Variants in EIF2AK2 observed in about 807,000 individuals in gnomAD.
The protein encoded by EIF2AK2 is eukaryotic translation initiation factor 2 alpha kinase 2.
A neutral mutation model predicts 70.5 loss-of-function variants in EIF2AK2; 40 were observed. The ratio of observed to expected loss-of-function variants is 0.57; its 90% CI spans 0.44 to 0.74. The LOEUF is 0.74. Among genes scored for constraint, EIF2AK2 ranks in the 30% least tolerant of loss-of-function variants. The pLI is 0.00. For missense variants in EIF2AK2, 555 were observed against 644.3 expected (o/e 0.86, Z 1.50); for synonymous variants, 198 against 220.9 (o/e 0.90, Z 0.92).
intron 14 of EIF2AK2, among the ~76,000 whole-genome samples, chr2:37,111,878 AATAT>A (rs869140054): frequency 0.046 from 3,164 of 68,320 alleles, 165 homozygotes; most frequent in African/African-American, 0.051. Context: ...AAAAAAAAAA[AATAT>A]ATATATATAT....
chr2:37,139,270 G>A (rs1401089630), intron 6 of EIF2AK2, among the ~76,000 whole-genome samples: 7 of 150,136 alleles, frequency 4.7e-5, no homozygotes, highest in Non-Finnish European at 8.9e-5. Flanking sequence ...AGCCGAGATC[G>A]TGCCACTGCA....
rs574672963 is a variant in EIF2AK2 at position 37,123,681 on chromosome 2, G to A, written c.909-1017C>T. On this transcript the variant is annotated intron_variant, in intron 11 of 16. Coordinates refer to ENST00000233057, the MANE Select transcript of EIF2AK2 (RefSeq NM_001135651.3). ...GCAGCAAGGCTAGGTAACCCAGGCA[G>A]TGTGAAGTACCTAATTCAGGATTTT... Among the ~76,000 whole-genome samples, 6 of 152,314 alleles carry A rather than the reference G, an allele frequency of 3.9e-5. No homozygotes were observed. The South Asian group carries it at 1.2e-3, about 32-fold the overall frequency.
chr2:37,148,870 T>C lies in EIF2AK2; in HGVS notation c.-30A>G, dbSNP rs1675648381. The stretch of plus-strand genomic sequence containing the variant: ...GACCGCTTGTACCTGGTTGGAAGCT[T>C]TGTCCAAAATGCACGCAGATAATCA... On this transcript the variant is annotated 5_prime_UTR_variant, in exon 2 of 17. Transcript: ENST00000233057. The C allele has an allele frequency of 9.5e-6, 8 of 839,860 alleles. No homozygotes were observed. Among genetic ancestry groups the C allele is most frequent in the South Asian group, 5.3e-5 (4 of 74,910 alleles). 52.0% of individuals were successfully genotyped at this position (839,860 alleles called of 1,614,324 possible).
At chr2:37,124,968 T>TCCA (rs1383333924) in intron 11 of EIF2AK2, among the ~76,000 whole-genome samples, 3 of 152,072 alleles carry the variant, frequency 2.0e-5, no homozygotes, top group African/African-American at 7.2e-5. Flanking sequence ...GCTCAAGTGA[T>TCCA]CCACTCACCT....
intron 1 of EIF2AK2, among the ~76,000 whole-genome samples, chr2:37,153,947 AG>A (rs1398813733): frequency 6.6e-6 from 1 of 152,196 alleles, no homozygotes; most frequent in East Asian, 1.9e-4. Flanking sequence ...GCAATGCACG[AG>A]GGTTCTAATT....
chr2:37,124,348 G>A (rs1239217777), intron 11 of EIF2AK2, among the ~76,000 whole-genome samples: 2 of 151,762 alleles, frequency 1.3e-5, no homozygotes, highest in African/African-American at 4.8e-5. Flanking sequence ...TGCAACCTCC[G>A]CCTCCTGGGT....
chr2:37,124,001 A>T (rs1211572503), intron 11 of EIF2AK2, among the ~76,000 whole-genome samples: 1 of 151,270 alleles, frequency 6.6e-6, no homozygotes, highest in Non-Finnish European at 1.5e-5. Context: ...ACAGGGTCTC[A>T]CTCTGTCACC....
intron 11 of EIF2AK2, among the ~76,000 whole-genome samples, chr2:37,123,140 C>A (rs1674614299): frequency 6.6e-6 from 1 of 151,888 alleles, no homozygotes; most frequent in South Asian, 2.1e-4. Context: ...TGCACTCCAG[C>A]CTGGGCAAAA....
intron 4 of EIF2AK2, 115 bp downstream of exon 4, chr2:37,146,738 G>T: frequency 1.5e-6 from 2 of 1,323,688 alleles, no homozygotes; most frequent in Non-Finnish European, 2.1e-6. Context: ...CCAAACTCTT[G>T]AATGTAAGGG....
Position 37,147,818 on chromosome 2 carries a change from G to T in EIF2AK2, c.-12C>A. 1 of 1,578,430 alleles carries T rather than the reference G, an allele frequency of 6.3e-7. No homozygotes were observed. Among genetic ancestry groups the T allele is most frequent in the Non-Finnish European group, 8.7e-7 (1 of 1,149,028 alleles). On this transcript the variant is annotated 5_prime_UTR_variant, in exon 3 of 17. Transcript: ENST00000233057. ...AGATCACCAGCCATTTCTTCTTCCCGTATCCTACAATGGAAGAGACATTTG... is the reference window on the plus strand; with the variant it reads ...AGATCACCAGCCATTTCTTCTTCCCTTATCCTACAATGGAAGAGACATTTG...
chr2:37,154,459 T>C (rs578016909), intron 1 of EIF2AK2, among the ~76,000 whole-genome samples: 10 of 152,326 alleles, frequency 6.6e-5, no homozygotes, highest in Non-Finnish European at 1.5e-4. Flanking sequence ...AGTCAGTTCT[T>C]AGTCCTTCTC....
chr2:37,153,833 G>A (rs1429955654), intron 1 of EIF2AK2, among the ~76,000 whole-genome samples: 1 of 152,116 alleles, frequency 6.6e-6, no homozygotes, highest in Non-Finnish European at 1.5e-5. Context: ...CTGAATATTT[G>A]TGGTATATAA....
intron 11 of EIF2AK2, among the ~76,000 whole-genome samples, chr2:37,124,399 C>T (rs1473289259): frequency 6.6e-6 from 1 of 152,148 alleles, no homozygotes; most frequent in Non-Finnish European, 1.5e-5. Context: ...GTAGCTGGGA[C>T]TACAGGCGTA....
chr2:37,141,732 A>G, intron 4 of EIF2AK2, 31 bp from the exon 5 acceptor site: 1 of 1,564,584 alleles, frequency 6.4e-7, no homozygotes, highest in Non-Finnish European at 8.6e-7. Context: ...TGTTTAATAT[A>G]AATGACAACA....
chr2:37,156,787 G>A (rs1323135020), intron 1 of EIF2AK2, 121 bp downstream of exon 1: 1 of 153,258 alleles, frequency 6.5e-6, no homozygotes, highest in African/African-American at 2.4e-5. Flanking sequence ...ATCAGCGTCC[G>A]CGTCCTGAGC....
intron 15 of EIF2AK2, among the ~76,000 whole-genome samples, chr2:37,108,795 C>G (rs536459386): frequency 1.5e-4 from 23 of 152,294 alleles, no homozygotes; most frequent in African/African-American, 5.5e-4. Context: ...GTCTCGAACA[C>G]CTGACTTCAA....
At chr2:37,124,033 T>C (rs983872787) in intron 11 of EIF2AK2, among the ~76,000 whole-genome samples, 1 of 151,054 alleles carries the variant, frequency 6.6e-6, no homozygotes, top group Non-Finnish European at 1.5e-5. Flanking sequence ...GCAGTGGCAA[T>C]GTTGGCTCAC....
At chr2:37,109,460 G>A (rs932257771) in intron 14 of EIF2AK2, 165 bp from the exon 15 acceptor site, 10 of 571,782 alleles carry the variant, frequency 1.7e-5, no homozygotes, top group African/African-American at 3.8e-5. Context: ...AATCTGTACC[G>A]CCGAATAGCT....
At chr2:37,118,085 A>G (rs928779148) in intron 13 of EIF2AK2, among the ~76,000 whole-genome samples, 115 of 152,098 alleles carry the variant, frequency 7.6e-4, no homozygotes, top group African/African-American at 2.5e-3. Flanking sequence ...AGGCAGGAGG[A>G]TCACTTTGAG....
Sources: allele counts gnomAD v4.1 joint callset (sites outside exome capture counted in the v4.1 genomes callset), GRCh38; gene constraint gnomAD v4.1.1; transcripts MANE v1.5; gene names NCBI Gene and HGNC (gene_info 2026-07-23, HGNC 2026-07-21).